FGD1: variants seen among roughly 807,000 people sequenced by gnomAD.
The protein encoded by FGD1 is FYVE, RhoGEF and PH domain-containing protein 1.
A neutral mutation model predicts 65.0 loss-of-function variants in FGD1; 12 were observed. The ratio of observed to expected loss-of-function variants is 0.18; its 90% CI spans 0.12 to 0.30. The LOEUF is 0.30. Among genes scored for constraint, FGD1 ranks in the 10% least tolerant of loss-of-function variants. The probability of loss-of-function intolerance (pLI) is 1.00; values close to 1 mark genes in which losing one functional copy is unlikely to be tolerated. For missense variants in FGD1, 542 were observed against 837.6 expected, an observed-to-expected ratio of 0.65 and a Z score of 4.36; for synonymous variants, 333 against 343.9, an observed-to-expected ratio of 0.97 and a Z score of 0.35.
chrX:54,467,959 C>T (rs1174319496), intron 5 of FGD1, 27 bp from the exon 6 acceptor site: 2 of 1,165,768 alleles, frequency 1.7e-6, no homozygotes, highest in Non-Finnish European at 2.3e-6. Flanking sequence ...AAGCACTCAG[C>T]CCAGCTGGGC....
Position 54,495,308 on chromosome X carries a change from A to T in FGD1, c.125T>A (p.Leu42Gln), listed in dbSNP as rs1251593107. The part of the protein sequence containing the change: ...DSDPGASEPG[L>Q]LARRGSGSAL... ...CGAACCTGAGCCCCTGCGCGCCAGC[A>T]GTCCGGGTTCCGAGGCTCCAGGGTC... The change falls in exon 1 of 18, where the codon CTG becomes CAG. Residue 42 changes from leucine (L) to glutamine (Q), a missense_variant. Around this residue, in one of 6 missense-constraint regions of FGD1, gnomAD observed 297 missense variants for 326.8 expected, o/e 0.91. Transcript: ENST00000375135. 1 of 1,176,972 alleles carries T rather than the reference A, an allele frequency of 8.5e-7. No individual in the cohort carries two copies. The highest frequency in any genetic ancestry group is 1.1e-6 in the Non-Finnish European group (1 of 879,850).
intron 1 of FGD1, among the ~76,000 whole-genome samples, chrX:54,478,445 A>G (rs1923069234): frequency 9.0e-6 from 1 of 110,782 alleles, no homozygotes; most frequent in African/African-American, 3.3e-5. Flanking sequence ...ACTATTCCCA[A>G]CAAGGGTGGT....
At chrX:54,450,632 A>C (rs749937829) in intron 12 of FGD1, among the ~76,000 whole-genome samples, 61 of 111,539 alleles carry the variant, frequency 5.5e-4, no homozygotes, top group African/African-American at 1.8e-3. Context: ...AGCCCAGAGG[A>C]GGTGACATGC....
At chrX:54,465,931 G>A in intron 6 of FGD1, 79 bp from the exon 7 acceptor site, 2 of 1,071,136 alleles carry the variant, frequency 1.9e-6, no homozygotes, top group Non-Finnish European at 2.6e-6. Context: ...TCCAGCCCCA[G>A]GCAGATACCT....
Position 54,470,145 on chromosome X carries a change from C to G in FGD1, c.972G>C (p.Leu324Phe), listed in dbSNP as rs1232546069. The G allele has an allele frequency of 3.3e-6, 4 of 1,210,364 alleles. No homozygotes were observed. The highest frequency in any genetic ancestry group is 4.5e-6 in the Non-Finnish European group (4 of 894,850). The change falls in exon 4 of 18, where the codon TTG (leucine) becomes TTC (phenylalanine). Residue 324 changes from leucine (L) to phenylalanine (F), a missense_variant. Around this residue, in one of 6 missense-constraint regions of FGD1, gnomAD observed 297 missense variants for 326.8 expected, o/e 0.91. Coordinates refer to ENST00000375135, the MANE Select transcript of FGD1 (RefSeq NM_004463.3). ...PPALASVPVALADPHRPGSQE... is the reference protein window; with the variant it reads ...PPALASVPVAFADPHRPGSQE... ...GGGAGCCAGGCCGGTGGGGGTCGGC[C>G]AAGGCAACAGGCACACTAGCCAGGG...
At chrX:54,463,993 G>A (rs1922698784) in intron 8 of FGD1, among the ~76,000 whole-genome samples, 1 of 110,564 alleles carries the variant, frequency 9.0e-6, no homozygotes, top group Non-Finnish European at 1.9e-5. Flanking sequence ...ATGGAGTCTC[G>A]CTCTGTCACC....
At chrX:54,466,768 T>TG (rs1922768791) in intron 6 of FGD1, among the ~76,000 whole-genome samples, 10 of 109,434 alleles carry the variant, frequency 9.1e-5, no homozygotes, top group African/African-American at 3.3e-4. Context: ...TTTTTTTTTT[T>TG]TGAGAGAGTC....
intron 8 of FGD1, among the ~76,000 whole-genome samples, chrX:54,463,157 G>A (rs773991961): frequency 1.8e-5 from 2 of 110,709 alleles, no homozygotes; most frequent in Non-Finnish European, 3.8e-5. Context: ...ACTCCCTTTG[G>A]TGATCTTGGC....
At chrX:54,461,406 G>C (rs766946181) in intron 8 of FGD1, among the ~76,000 whole-genome samples, 1 of 107,710 alleles carries the variant, frequency 9.3e-6, no homozygotes, top group Non-Finnish European at 1.9e-5. Flanking sequence ...TTCGAGACCA[G>C]CTTGGCCAAG....
intron 8 of FGD1, among the ~76,000 whole-genome samples, chrX:54,457,742 A>C (rs953073398): frequency 2.4e-4 from 27 of 110,977 alleles, no homozygotes; most frequent in Admixed American, 9.6e-5. Flanking sequence ...CTCAGATAAC[A>C]GGGGATTTTT....
chrX:54,474,542 C>T (rs1277044605), intron 1 of FGD1, among the ~76,000 whole-genome samples: 2 of 112,764 alleles, frequency 1.8e-5, no homozygotes, highest in African/African-American at 6.4e-5. Context: ...CTTTGGGTGT[C>T]GTTCCTCACT....
At chrX:54,479,889 C>A (rs1216256936) in intron 1 of FGD1, among the ~76,000 whole-genome samples, 2 of 111,806 alleles carry the variant, frequency 1.8e-5, no homozygotes, top group East Asian at 5.6e-4. Context: ...AGACTGCACC[C>A]AGGCTGCCTG....
Position 54,470,603 on chromosome X carries a change from T to A in FGD1, c.639A>T (p.Ser213=). Residue 213 remains serine (S), a synonymous_variant, in exon 3 of 18, where the codon TCA becomes TCT. Transcript: ENST00000375135. The part of the protein sequence containing the change: ...EASPSSAAVS[S]LIEKFEREPV... Reference sequence around the variant, plus strand: ...CTCACCTTTCAAACTTCTCAATCAGTGAGGATACTGCTGCAGAACTGGGGC... The same window carrying A: ...CTCACCTTTCAAACTTCTCAATCAGAGAGGATACTGCTGCAGAACTGGGGC... 1 of 1,204,947 alleles carries A rather than the reference T, an allele frequency of 8.3e-7. No homozygotes were observed. Among genetic ancestry groups the A allele is most frequent in the Non-Finnish European group, 1.1e-6 (1 of 893,145 alleles).
intron 8 of FGD1, among the ~76,000 whole-genome samples, chrX:54,461,673 G>T (rs1922640575): frequency 9.3e-6 from 1 of 107,673 alleles, no homozygotes; most frequent in Non-Finnish European, 1.9e-5. Flanking sequence ...GGGGACTTGG[G>T]CTGGGGAGAA....
Position 54,449,691 on chromosome X carries a change from T to G in FGD1, c.2116A>C (p.Arg706=). 1 of 1,208,072 alleles carries G rather than the reference T, an allele frequency of 8.3e-7. No homozygotes were observed. The change falls in exon 14 of 18, where the codon AGG becomes CGG. Residue 706 remains arginine (R), a synonymous_variant. Transcript: ENST00000375135. ...ETFKLLNSTN[R]EDEDTPPNSP... The stretch of plus-strand genomic sequence containing the variant: ...TTGGGTGGGGTGTCTTCATCTTCCC[T>G]GTTTGTTGAGTTCAACAGTTTGAAA...
intron 8 of FGD1, among the ~76,000 whole-genome samples, chrX:54,461,804 G>T (rs1922643630): frequency 9.2e-6 from 1 of 108,111 alleles, no homozygotes; most frequent in Non-Finnish European, 1.9e-5. Flanking sequence ...GGATGGACCT[G>T]GAGAGTCAGT....
At position 54,467,764 on chromosome X, in the gene FGD1, C is replaced by T. The variant is rs1445705967; in HGVS notation, c.1340+20G>A. On this transcript the variant is annotated intron_variant, in intron 6 of 17. Transcript: ENST00000375135. ...GCAGGTGGACAGGGGAGTGGGCAGT[C>T]TAGGTCTAGGGCCCCTCACCATTCC... 1 of 1,167,166 alleles carries T rather than the reference C, an allele frequency of 8.6e-7. No homozygotes were observed. The highest frequency in any genetic ancestry group is 1.8e-5 in the African/African-American group (1 of 56,386).
chrX:54,464,419 C>T (rs1295322655), intron 8 of FGD1, among the ~76,000 whole-genome samples: 1 of 111,764 alleles, frequency 8.9e-6, no homozygotes, highest in East Asian at 2.8e-4. Flanking sequence ...AGGCGTGAGC[C>T]ACTGCGCCCG....
At chrX:54,457,828 A>C (rs1394781112) in intron 8 of FGD1, among the ~76,000 whole-genome samples, 2 of 109,736 alleles carry the variant, frequency 1.8e-5, no homozygotes, top group African/African-American at 6.6e-5. Context: ...AAAAAAAAAG[A>C]AAAAGCTGAA....
Sources: gnomAD v4.1 joint callset for allele counts (sites outside exome capture counted in the v4.1 genomes callset) on GRCh38, gnomAD v4.1.1 for gene constraint, gnomAD v4.1.1 regional missense constraint, MANE v1.5 for transcripts, NCBI Gene and HGNC (gene_info 2026-07-23, HGNC 2026-07-21) for gene names.